TENM2: variants seen among roughly 807,000 people sequenced by gnomAD.
The protein encoded by TENM2 is teneurin-2.
TENM2 carries 52 observed loss-of-function variants against 245.2 expected under a neutral mutation model. That is an observed-to-expected ratio of 0.21 (90% CI 0.17 to 0.27). TENM2 has a LOEUF of 0.27. TENM2 is among the 10% of genes least tolerant of loss of function. The pLI is 1.00. For synonymous variants in TENM2, 1,363 were observed against 1,438.9 expected (o/e 0.95, Z 1.19); for missense variants, 3,046 against 3,666.8 (o/e 0.83, Z 4.37).
intron 2 of TENM2, among the ~76,000 whole-genome samples, chr5:167,761,199 C>T (rs1762642234): frequency 6.6e-6 from 1 of 152,160 alleles, no homozygotes; most frequent in Admixed American, 6.5e-5. Context: ...AGTTTCCTCT[C>T]CCCTGCTTAT....
At chr5:167,543,627 A>T (rs1446834636) in intron 2 of TENM2, among the ~76,000 whole-genome samples, 1 of 152,206 alleles carries the variant, frequency 6.6e-6, no homozygotes, top group Non-Finnish European at 1.5e-5. Flanking sequence ...TGGGTGTCTT[A>T]AAACAGTAGA....
At chr5:167,904,279 C>G (rs895969049) in intron 3 of TENM2, among the ~76,000 whole-genome samples, 1 of 152,132 alleles carries the variant, frequency 6.6e-6, no homozygotes, top group African/African-American at 2.4e-5. Context: ...ATCATCAGAG[C>G]TGCATCCCCA....
At chr5:168,241,621 C>A (rs1766110464) in intron 25 of TENM2, among the ~76,000 whole-genome samples, 1 of 151,996 alleles carries the variant, frequency 6.6e-6, no homozygotes, top group Admixed American at 6.6e-5. Context: ...TCTGAGATGA[C>A]CTTATAGAAA....
chr5:167,486,263 C>T (rs1768063996), intron 2 of TENM2, among the ~76,000 whole-genome samples: 2 of 151,944 alleles, frequency 1.3e-5, no homozygotes, highest in Admixed American at 1.3e-4. Context: ...TTGCTCCTGC[C>T]CTCAGGGAGA....
At chr5:167,675,173 A>G (rs572970941) in intron 2 of TENM2, among the ~76,000 whole-genome samples, 1 of 152,140 alleles carries the variant, frequency 6.6e-6, no homozygotes, top group African/African-American at 2.4e-5. Context: ...GTCTAATGAA[A>G]TTGGCATGGT....
At chr5:167,327,600 A>G (rs1261482532) in intron 1 of TENM2, among the ~76,000 whole-genome samples, 1 of 152,220 alleles carries the variant, frequency 6.6e-6, no homozygotes, top group East Asian at 1.9e-4. Context: ...CATGTTCAGA[A>G]AAAACCTCCC....
chr5:167,105,422 A>C, the TENM2 span, among the ~76,000 whole-genome samples: 1 of 152,194 alleles, frequency 6.6e-6, no homozygotes, highest in African/African-American at 2.4e-5. Flanking sequence ...GCTCCTGAGG[A>C]ATTTTAACTT....
At chr5:167,006,374 A>C in the TENM2 span, among the ~76,000 whole-genome samples, 3 of 152,198 alleles carry the variant, frequency 2.0e-5, no homozygotes, top group African/African-American at 4.8e-5. Context: ...TCTTAGAAGT[A>C]AGTTGTTTTA....
At chr5:168,215,959 A>G (rs1414796188) in intron 21 of TENM2, among the ~76,000 whole-genome samples, 1 of 152,266 alleles carries the variant, frequency 6.6e-6, no homozygotes, top group African/African-American at 2.4e-5. Context: ...AATAAATGGT[A>G]GTAATTAAGA....
intron 3 of TENM2, among the ~76,000 whole-genome samples, chr5:167,942,372 A>C (rs1156413188): frequency 6.6e-6 from 1 of 152,236 alleles, no homozygotes; most frequent in Non-Finnish European, 1.5e-5. Flanking sequence ...CACCTTTTAC[A>C]GATGAGGATA....
In TENM2 at chr5:168,118,422, C is replaced by G. The variant is rs770176117; in HGVS notation, c.1944C>G (p.His648Gln). The change falls in exon 10 of 29, where the codon CAC (histidine) becomes CAG (glutamine). Residue 648 changes from histidine to glutamine, a missense_variant. Around this residue, in one of 2 missense-constraint regions of TENM2, gnomAD observed 2,704 missense variants for 3,331.9 expected, o/e 0.81. Coordinates refer to ENST00000518659, the Ensembl canonical transcript of TENM2. ...GCATCGATCCTTCCTGCGGGGGCCA[C>G]GGCTCCTGCATTGATGGGAACTGTG... 2.0e-5 allele frequency: 33 copies of G among 1,610,488 alleles called. No individual in the cohort carries two copies. Among genetic ancestry groups the G allele is most frequent in the Non-Finnish European group, 2.7e-5 (32 of 1,177,560 alleles).
chr5:167,249,465 CTCTG>C, the TENM2 span, among the ~76,000 whole-genome samples: 1 of 152,082 alleles, frequency 6.6e-6, no homozygotes, highest in Non-Finnish European at 1.5e-5. Flanking sequence ...TTCCTTCCCC[CTCTG>C]TCTCTCACCT....
chr5:167,751,969 C>A (rs1474894741), intron 2 of TENM2, among the ~76,000 whole-genome samples: 1 of 151,972 alleles, frequency 6.6e-6, no homozygotes, highest in Non-Finnish European at 1.5e-5. Flanking sequence ...CACACACACA[C>A]ACACACATGC....
rs1397637760 is a variant in TENM2, at chr5:167,967,203, T to C, written c.947+14381T>C. ...GGAAACAAGGGGGTTGGTTGTTGGA[T>C]GGAGGCAAGGGAGGTGGCAGAGAAA... On this transcript the variant is annotated intron_variant, in intron 4 of 28. Coordinates refer to ENST00000518659, the Ensembl canonical transcript of TENM2. The C allele has an allele frequency of 3.9e-5, 6 of 152,008 alleles. 1 individual carries two copies. In the East Asian group the frequency reaches 7.7e-4, roughly 20 times the overall value. 9.4% of individuals were successfully genotyped at this position (152,008 alleles called of 1,614,324 possible).
At chr5:167,482,685 C>T (rs1164044314) in intron 2 of TENM2, among the ~76,000 whole-genome samples, 1 of 152,170 alleles carries the variant, frequency 6.6e-6, no homozygotes, top group African/African-American at 2.4e-5. Context: ...ATTTATGGCA[C>T]ACACTCTAGA....
At chr5:167,493,836 G>T (rs1768605337) in intron 2 of TENM2, among the ~76,000 whole-genome samples, 1 of 152,074 alleles carries the variant, frequency 6.6e-6, no homozygotes, top group Non-Finnish European at 1.5e-5. Context: ...GTGATGTTGT[G>T]TTGGAAAAAG....
intron 2 of TENM2, among the ~76,000 whole-genome samples, chr5:167,587,944 T>C (rs933376885): frequency 6.6e-6 from 1 of 152,136 alleles, no homozygotes; most frequent in Admixed American, 6.5e-5. Flanking sequence ...TTCACAAGCA[T>C]GTTCACCTAG....
intron 1 of TENM2, among the ~76,000 whole-genome samples, chr5:167,350,640 G>A (rs1457548463): frequency 7.3e-6 from 1 of 137,736 alleles, no homozygotes; most frequent in Non-Finnish European, 1.6e-5. Context: ...TATATATATG[G>A]GATACGTATA....
At chr5:167,372,970 G>C (rs540412494) in intron 1 of TENM2, among the ~76,000 whole-genome samples, 71 of 152,324 alleles carry the variant, frequency 4.7e-4, no homozygotes, top group Middle Eastern at 3.4e-3. Context: ...GAATTTCAGA[G>C]AGCATGATAA....
Sources: allele counts gnomAD v4.1 joint callset (sites outside exome capture counted in the v4.1 genomes callset), GRCh38; gene constraint gnomAD v4.1.1; regional missense constraint gnomAD v4.1.1; transcripts MANE v1.5; gene names NCBI Gene and HGNC (gene_info 2026-07-23, HGNC 2026-07-21).